ZFAND2A: variants seen among roughly 807,000 people sequenced by gnomAD.
ZFAND2A encodes the protein AN1-type zinc finger protein 2A.
A neutral mutation model predicts 11.6 loss-of-function variants in ZFAND2A; 20 were observed. The ratio of observed to expected loss-of-function variants is 1.72; its 90% CI spans 1.21 to 2.50. The LOEUF (loss-of-function observed/expected upper bound fraction) is 2.50, where lower values mean the gene tolerates loss of function less well. Among genes scored for constraint, ZFAND2A ranks in the 30% most tolerant of loss-of-function variants. ZFAND2A has a pLI of 0.00. For missense variants in ZFAND2A, 234 were observed against 182.9 expected (o/e 1.28, Z -1.61); for synonymous variants, 93 against 60.6 (o/e 1.54, Z -2.48).
At chr7:1,151,828 G>A (rs1394621722), downstream of ZFAND2A, among the ~76,000 whole-genome samples, 1 of 151,032 alleles carries the variant, frequency 6.6e-6, no homozygotes. Context: ...GCCCGGAGGT[G>A]CTGCTGGGCC....
intron 1 of ZFAND2A, among the ~76,000 whole-genome samples, chr7:1,159,626 C>G (rs1277222943): frequency 1.8e-5 from 1 of 56,864 alleles, no homozygotes; most frequent in Non-Finnish European, 3.9e-5. Context: ...AGGCCGGACC[C>G]CCAGCAGCCA....
downstream of ZFAND2A, chr7:1,152,213 A>AC: frequency 6.5e-7 from 1 of 1,543,594 alleles, no homozygotes; most frequent in Non-Finnish European, 8.8e-7. Context: ...GAGCTGCAGC[A>AC]CCCCACACAG....
chr7:1,155,674 A>G (rs1793509804), intron 3 of ZFAND2A, 90 bp from the exon 4 acceptor site: 6 of 1,514,400 alleles, frequency 4.0e-6, no homozygotes, highest in Non-Finnish European at 5.3e-6. Context: ...CGGCACACTT[A>G]AACACAAAGA....
intron 1 of ZFAND2A, among the ~76,000 whole-genome samples, chr7:1,158,829 G>C (rs1399702675): frequency 6.6e-6 from 1 of 152,124 alleles, no homozygotes; most frequent in African/African-American, 2.4e-5. Flanking sequence ...CCGCACTCGA[G>C]AGAGAATCAA....
chr7:1,155,550 G>C lies in ZFAND2A; in HGVS notation c.185C>G (p.Thr62Ser). 1 of 1,613,762 alleles carries C rather than the reference G, an allele frequency of 6.2e-7. No individual in the cohort carries two copies. The highest frequency in any genetic ancestry group is 1.3e-5 in the African/African-American group (1 of 75,008). Residue 62 changes from threonine to serine, a missense_variant, in exon 4 of 5, where the codon ACC becomes AGC. Thr to Ser is a moderately conservative substitution (Grantham distance 58, BLOSUM62 1). Coordinates refer to ENST00000316495, the MANE Select transcript of ZFAND2A (RefSeq NM_182491.4). ...CTGGCCCTTTTTTACTGGGATGGGG[G>C]TATTACAGAGTGGGCATACTGGGAC... is the stretch of plus-strand genomic sequence containing the variant. ...VHVPVCPLCN[T>S]PIPVKKGQIP... is the part of the protein sequence containing the mutation.
intron 4 of ZFAND2A, among the ~76,000 whole-genome samples, chr7:1,154,003 C>T (rs1040044618): frequency 6.6e-6 from 1 of 151,720 alleles, no homozygotes; most frequent in African/African-American, 2.4e-5. Context: ...GTGAAGATGG[C>T]CCGGAGGTGC....
In ZFAND2A at chr7:1,152,965, G is replaced by T; in HGVS notation, c.*104C>A. 6.9e-7 allele frequency: 1 copy of T among 1,444,072 alleles called. No homozygotes were observed. Among genetic ancestry groups the T allele is most frequent in the Non-Finnish European group, 9.6e-7 (1 of 1,042,860 alleles). The allele number at this position is 1,444,072 out of a possible 1,614,324, so 89.5% of individuals were successfully genotyped here. A position where few individuals can be genotyped will look rare whatever the true frequency, so the allele number is the denominator to read the frequency against. ...TCTCCCTCAACAAACAAGATCAGCAGCCAGTGTGGGATGGTGCTCAATGGG... is the reference window on the plus strand; with the variant it reads ...TCTCCCTCAACAAACAAGATCAGCATCCAGTGTGGGATGGTGCTCAATGGG... On this transcript the variant is annotated 3_prime_UTR_variant, in exon 5 of 5. Coordinates refer to ENST00000316495, the MANE Select transcript of ZFAND2A (RefSeq NM_182491.4).
intron 4 of ZFAND2A, among the ~76,000 whole-genome samples, chr7:1,154,489 G>T (rs1470814881): frequency 6.6e-6 from 1 of 152,198 alleles, no homozygotes; most frequent in Non-Finnish European, 1.5e-5. Flanking sequence ...CCCAGCAAGG[G>T]AAGCTGTGTC....
In ZFAND2A at chr7:1,156,757, G is replaced by C. The variant is rs528579197; in HGVS notation, c.150+899C>G. Among the ~76,000 whole-genome samples, 260 of 152,362 alleles carry C rather than the reference G, an allele frequency of 1.7e-3. 1 individual carries two copies. The highest frequency in any genetic ancestry group is 3.0e-3 in the Non-Finnish European group (207 of 68,034). On this transcript the variant is annotated intron_variant, in intron 3 of 4. Transcript: ENST00000316495. ...CCCGTCTACAGCCCGAGCTGGGAGAGTCACAGGTGGTGGTGCTTCCTCATT... is the reference window on the plus strand; with the variant it reads ...CCCGTCTACAGCCCGAGCTGGGAGACTCACAGGTGGTGGTGCTTCCTCATT...
intron 2 of ZFAND2A, 44 bp downstream of exon 2, chr7:1,158,114 C>A: frequency 6.3e-7 from 1 of 1,588,262 alleles, no homozygotes; most frequent in South Asian, 1.1e-5. Flanking sequence ...CAGCTTTCCC[C>A]CAACAAAATA....
At chr7:1,153,684 C>T (rs780840358) in intron 4 of ZFAND2A, among the ~76,000 whole-genome samples, 7 of 152,192 alleles carry the variant, frequency 4.6e-5, no homozygotes, top group Non-Finnish European at 7.3e-5. Context: ...GTGGCTCACG[C>T]CTGTCATCCC....
intron 2 of ZFAND2A, 88 bp from the exon 3 acceptor site, chr7:1,157,838 G>A (rs1793568692): frequency 1.9e-6 from 2 of 1,057,818 alleles, no homozygotes; most frequent in South Asian, 1.6e-5. Flanking sequence ...TACACTAAGT[G>A]TTTTAGGCCT....
downstream of ZFAND2A, among the ~76,000 whole-genome samples, chr7:1,150,557 C>G (rs1793379547): frequency 6.6e-6 from 1 of 152,226 alleles, no homozygotes; most frequent in Non-Finnish European, 1.5e-5. Flanking sequence ...CATCACTTCA[C>G]AAAATCAGAC....
chr7:1,150,536 T>A (rs1793379362), downstream of ZFAND2A, among the ~76,000 whole-genome samples: 1 of 152,208 alleles, frequency 6.6e-6, no homozygotes, highest in Non-Finnish European at 1.5e-5. Context: ...AGTATTTACG[T>A]TACCCGTGTT....
At chr7:1,149,663 C>G (rs1190580646), downstream of ZFAND2A, among the ~76,000 whole-genome samples, 1 of 152,230 alleles carries the variant, frequency 6.6e-6, no homozygotes, top group Non-Finnish European at 1.5e-5. Flanking sequence ...CACACCCAGG[C>G]TGTAGGGCAT....
At chr7:1,156,608 C>G (rs1453026178) in intron 3 of ZFAND2A, among the ~76,000 whole-genome samples, 1 of 151,700 alleles carries the variant, frequency 6.6e-6, no homozygotes, top group Admixed American at 6.6e-5. Flanking sequence ...GACCGCCCAG[C>G]AGCTAACGCC....
downstream of ZFAND2A, chr7:1,152,882 C>T (rs1435758207): frequency 1.1e-6 from 1 of 884,498 alleles, no homozygotes; most frequent in South Asian, 1.5e-5. Flanking sequence ...GTGACGGCAG[C>T]AGTGGGCAAT....
chr7:1,150,460 C>G (rs573607807), downstream of ZFAND2A, among the ~76,000 whole-genome samples: 3 of 152,274 alleles, frequency 2.0e-5, no homozygotes, highest in East Asian at 1.9e-4. Context: ...CCTGACACCC[C>G]CTAAGTTCCC....
chr7:1,153,357 C>G, intron 4 of ZFAND2A, 133 bp from the exon 5 acceptor site: 1 of 930,372 alleles, frequency 1.1e-6, no homozygotes, highest in Non-Finnish European at 1.6e-6. Context: ...AAGTGATTCT[C>G]CTGCTTCAGC....
Sources: allele counts gnomAD v4.1 joint callset (sites outside exome capture counted in the v4.1 genomes callset), GRCh38; gene constraint gnomAD v4.1.1; transcripts MANE v1.5; gene names NCBI Gene and HGNC (gene_info 2026-07-23, HGNC 2026-07-21).